Variants in CALHM4 observed in about 807,000 individuals in gnomAD.
CALHM4 encodes the protein calcium homeostasis modulator protein 4.
In CALHM4, 16 loss-of-function variants were observed where a neutral mutation model predicts 13.3. The observed-to-expected ratio is 1.20, with a 90% CI of 0.81 to 1.82. The LOEUF is 1.82. Ranked by LOEUF, CALHM4 falls within the 40% of genes most tolerant of loss-of-function variation. The pLI, the probability that CALHM4 is intolerant of heterozygous loss-of-function variation, is 0.00. For synonymous variants in CALHM4, 127 were observed against 137.1 expected, an observed-to-expected ratio of 0.93 and a Z score of 0.52; for missense variants, 344 against 374.9, an observed-to-expected ratio of 0.92 and a Z score of 0.68.
chr6:116,555,327 CTT>C (rs1774262755), intron 1 of CALHM4, among the ~76,000 whole-genome samples: 1 of 152,118 alleles, frequency 6.6e-6, no homozygotes, highest in South Asian at 2.1e-4. Flanking sequence ...AAAATTATAA[CTT>C]AAAATAATTT....
intron 2 of CALHM4, among the ~76,000 whole-genome samples, chr6:116,548,706 T>A (rs1445803773): frequency 6.6e-6 from 1 of 152,204 alleles, no homozygotes; most frequent in East Asian, 1.9e-4. Flanking sequence ...GTGCATTTAA[T>A]ATACCTCATG....
intron 1 of CALHM4, among the ~76,000 whole-genome samples, chr6:116,541,413 G>T (rs1773448546): frequency 6.6e-6 from 1 of 152,158 alleles, no homozygotes; most frequent in Non-Finnish European, 1.5e-5. Context: ...ACGATTTCCA[G>T]TGGAGCCACA....
At chr6:116,551,269 C>T (rs1774067990), upstream of CALHM4, among the ~76,000 whole-genome samples, 1 of 152,192 alleles carries the variant, frequency 6.6e-6, no homozygotes, top group Non-Finnish European at 1.5e-5. Flanking sequence ...GATATAACCC[C>T]AGAATTACAA....
In CALHM4 at chr6:116,553,961, T is replaced by G. The variant is rs1273399416; in HGVS notation, c.168T>G (p.Leu56=). The change falls in exon 1 of 2, where the codon CTT becomes CTG. Residue 56 remains leucine (L), a synonymous_variant. Transcript: ENST00000368596. ...ATTTCTATTATGGTTCTGCTTTTCT[T>G]GTCATTCCTGCCTTGATCCTTCTCG... ...GKNFYYGSAF[L]VIPALILLVA... is the part of the protein sequence containing the mutation. 1 of 1,550,676 alleles carries G rather than the reference T, an allele frequency of 6.4e-7. No homozygotes were observed. Among genetic ancestry groups the G allele is most frequent in the Admixed American group, 2.0e-5 (1 of 51,012 alleles).
chr6:116,530,287 G>A (rs934668992), intron 1 of CALHM4, among the ~76,000 whole-genome samples: 9 of 151,988 alleles, frequency 5.9e-5, no homozygotes, highest in African/African-American at 2.2e-4. Flanking sequence ...TGAATGCCCT[G>A]GTTTAAGTTC....
chr6:116,531,112 G>A (rs975031796), intron 1 of CALHM4, among the ~76,000 whole-genome samples: 4 of 151,946 alleles, frequency 2.6e-5, no homozygotes, highest in South Asian at 2.1e-4. Context: ...TAATGGATTA[G>A]GGTGGGCATT....
At chr6:116,534,357 G>C (rs191729956) in intron 1 of CALHM4, among the ~76,000 whole-genome samples, 1 of 152,250 alleles carries the variant, frequency 6.6e-6, no homozygotes, top group Admixed American at 6.5e-5. Flanking sequence ...CCCTCATGCT[G>C]TCTCCATTCT....
intron 1 of CALHM4, among the ~76,000 whole-genome samples, chr6:116,533,915 T>C (rs1278493950): frequency 6.6e-6 from 1 of 152,192 alleles, no homozygotes; most frequent in African/African-American, 2.4e-5. Flanking sequence ...GTGAGTTTCC[T>C]GATTGCAAGG....
chr6:116,541,492 A>G (rs1773455504), intron 1 of CALHM4, among the ~76,000 whole-genome samples: 1 of 152,174 alleles, frequency 6.6e-6, no homozygotes, highest in Non-Finnish European at 1.5e-5. Context: ...AAGAGATGAA[A>G]TCTTTGGTGA....
At chr6:116,539,150 T>G (rs6921845) in intron 1 of CALHM4, among the ~76,000 whole-genome samples, 57,158 of 152,112 alleles carry the variant, frequency 0.38, 12,418 homozygotes, top group East Asian at 0.54. Context: ...ATATTACAAG[T>G]ATTTACTTTC....
chr6:116,530,042 G>T (rs1434291388), intron 1 of CALHM4, among the ~76,000 whole-genome samples: 1 of 152,136 alleles, frequency 6.6e-6, no homozygotes, highest in Admixed American at 6.5e-5. Flanking sequence ...TTCAAGTGTT[G>T]TGCATCATAC....
intron 2 of CALHM4, chr6:116,545,407 A>C (rs1773719547): frequency 7.1e-7 from 1 of 1,402,756 alleles, no homozygotes; most frequent in Non-Finnish European, 9.7e-7. Flanking sequence ...TTTAAAATCA[A>C]TCAGAAATCA....
upstream of CALHM4, among the ~76,000 whole-genome samples, chr6:116,551,915 G>A (rs886544285): frequency 3.9e-5 from 6 of 152,114 alleles, no homozygotes; most frequent in African/African-American, 1.4e-4. Flanking sequence ...TAGATATGTA[G>A]TGACATCTTA....
intron 1 of CALHM4, chr6:116,540,273 G>A: frequency 8.2e-7 from 1 of 1,217,416 alleles, no homozygotes; most frequent in Non-Finnish European, 1.2e-6. Flanking sequence ...AATGCAGATG[G>A]AACCTGTCCA....
rs200777973 is a variant in CALHM4, at chr6:116,558,058, C to A, written c.792C>A (p.Ile264=). The A allele has an allele frequency of 4.5e-5, 72 of 1,614,154 alleles. No individual in the cohort carries two copies. Among genetic ancestry groups the A allele is most frequent in the Non-Finnish European group, 5.8e-5 (68 of 1,180,020 alleles). Residue 264 remains isoleucine, a synonymous_variant, in exon 2 of 2, where the codon ATC becomes ATA. Transcript: ENST00000368596. ...CCGGGAGTGAAGACGTCAAACACAT[C>A]CGCATTCCTTCTTGTCAGGACTGGA... ...FIPGSEDVKH[I]RIPSCQDWKD...
chr6:116,532,033 G>A (rs189867745), intron 1 of CALHM4, among the ~76,000 whole-genome samples: 30 of 152,240 alleles, frequency 2.0e-4, no homozygotes, highest in African/African-American at 6.7e-4. Flanking sequence ...TCTTGTTGCT[G>A]TGGATTTGTT....
intron 1 of CALHM4, among the ~76,000 whole-genome samples, chr6:116,532,210 G>A (rs1772770626): frequency 6.6e-6 from 1 of 152,202 alleles, no homozygotes; most frequent in Admixed American, 6.5e-5. Flanking sequence ...CAGACTAGGA[G>A]GAGCAACAGG....
At chr6:116,547,338 A>G (rs184037660) in intron 2 of CALHM4, among the ~76,000 whole-genome samples, 1 of 152,272 alleles carries the variant, frequency 6.6e-6, no homozygotes, top group East Asian at 1.9e-4. Flanking sequence ...CCAAACTCTA[A>G]TGGCTGTGGT....
chr6:116,545,657 GC>G (rs1297314956), intron 2 of CALHM4: 5 of 590,536 alleles, frequency 8.5e-6, no homozygotes, highest in Non-Finnish European at 1.4e-5. Flanking sequence ...GCACTCTGCT[GC>G]TTTTGCTCTT....
Sources: gnomAD v4.1 joint callset for allele counts (sites outside exome capture counted in the v4.1 genomes callset) on GRCh38, gnomAD v4.1.1 for gene constraint, MANE v1.5 for transcripts, NCBI Gene and HGNC (gene_info 2026-07-23, HGNC 2026-07-21) for gene names.